Variants in CNTNAP5 observed in about 807,000 individuals in gnomAD.
The protein encoded by CNTNAP5 is contactin associated protein family member 5.
Under a neutral mutation model 150.2 loss-of-function variants are expected in CNTNAP5, and 72 were observed. The ratio of observed to expected loss-of-function variants is 0.48; its 90% CI spans 0.40 to 0.58. The LOEUF (loss-of-function observed/expected upper bound fraction) is 0.58. Among genes scored for constraint, CNTNAP5 ranks in the 20% least tolerant of loss-of-function variants. CNTNAP5 has a pLI of 0.00. For missense variants in CNTNAP5, 1,636 were observed against 1,626.2 expected, an observed-to-expected ratio of 1.01 and a Z score of -0.10; for synonymous variants, 672 against 619.8, an observed-to-expected ratio of 1.08 and a Z score of -1.25.
intron 5 of CNTNAP5, among the ~76,000 whole-genome samples, chr2:124,439,287 C>T (rs1692617070): frequency 6.6e-6 from 1 of 152,112 alleles, no homozygotes. Flanking sequence ...ATAGGTTAAA[C>T]AAGTACAGTA....
At chr2:124,874,079 G>T (rs926872088) in intron 21 of CNTNAP5, among the ~76,000 whole-genome samples, 1 of 151,906 alleles carries the variant, frequency 6.6e-6, no homozygotes, top group African/African-American at 2.4e-5. Flanking sequence ...GTAGATACTG[G>T]CCCATGAAAA....
chr2:124,745,406 T>A (rs1238305443), intron 13 of CNTNAP5, among the ~76,000 whole-genome samples: 3 of 152,070 alleles, frequency 2.0e-5, no homozygotes, highest in Non-Finnish European at 4.4e-5. Flanking sequence ...CACTGACAAA[T>A]GTATTCAAAT....
chr2:124,471,339 G>T (rs1410160556), intron 6 of CNTNAP5, among the ~76,000 whole-genome samples: 3 of 152,090 alleles, frequency 2.0e-5, no homozygotes, highest in Admixed American at 1.3e-4. Context: ...ATTGTGAAAG[G>T]TAGTTCATTA....
intron 6 of CNTNAP5, among the ~76,000 whole-genome samples, chr2:124,473,444 A>G (rs1312801478): frequency 6.6e-6 from 1 of 152,090 alleles, no homozygotes; most frequent in African/African-American, 2.4e-5. Flanking sequence ...AGTTGTAAGT[A>G]AAAGTGGGCA....
At chr2:124,468,419 G>A (rs1693431535) in intron 6 of CNTNAP5, among the ~76,000 whole-genome samples, 1 of 152,084 alleles carries the variant, frequency 6.6e-6, no homozygotes, top group Non-Finnish European at 1.5e-5. Context: ...TGATATTCAA[G>A]AGCATGAAGA....
At chr2:124,777,154 A>G (rs887027844) in intron 17 of CNTNAP5, among the ~76,000 whole-genome samples, 6 of 152,014 alleles carry the variant, frequency 3.9e-5, no homozygotes, top group Non-Finnish European at 5.9e-5. Flanking sequence ...GGGAAAAAAA[A>G]AAAAAAGATG....
chr2:124,123,415 C>T (rs541840706), intron 1 of CNTNAP5, among the ~76,000 whole-genome samples: 36 of 152,278 alleles, frequency 2.4e-4, no homozygotes, highest in Admixed American at 1.6e-3. Flanking sequence ...AAAGCTTGAA[C>T]TGGGTGGAGT....
chr2:124,599,977 A>G (rs1223841846), intron 11 of CNTNAP5, among the ~76,000 whole-genome samples: 1 of 151,834 alleles, frequency 6.6e-6, no homozygotes, highest in Non-Finnish European at 1.5e-5. Context: ...TTTGCATGTG[A>G]TTTTCTCAGA....
At chr2:124,644,733 T>G (rs1422061542) in intron 12 of CNTNAP5, among the ~76,000 whole-genome samples, 2 of 152,178 alleles carry the variant, frequency 1.3e-5, no homozygotes, top group African/African-American at 2.4e-5. Flanking sequence ...TGTTTCAGTC[T>G]TTATCCTGCT....
At chr2:124,121,477 C>A (rs925537379) in intron 1 of CNTNAP5, among the ~76,000 whole-genome samples, 3 of 152,174 alleles carry the variant, frequency 2.0e-5, no homozygotes, top group Non-Finnish European at 4.4e-5. Flanking sequence ...AAGGCAGTGG[C>A]GCTGCAGGAG....
intron 13 of CNTNAP5, among the ~76,000 whole-genome samples, chr2:124,661,762 C>A (rs1301457057): frequency 6.6e-6 from 1 of 152,128 alleles, no homozygotes; most frequent in Admixed American, 6.6e-5. Context: ...ATTAGTAATT[C>A]ATTGCACAAT....
chr2:124,234,324 A>G (rs1686694793), intron 2 of CNTNAP5, among the ~76,000 whole-genome samples: 1 of 152,206 alleles, frequency 6.6e-6, no homozygotes, highest in Non-Finnish European at 1.5e-5. Flanking sequence ...AAATTTTACA[A>G]CAGCACTGGC....
chr2:124,469,349 T>A (rs1041632940), intron 6 of CNTNAP5, among the ~76,000 whole-genome samples: 1 of 152,194 alleles, frequency 6.6e-6, no homozygotes, highest in African/African-American at 2.4e-5. Context: ...AACATTTTCC[T>A]GCAAACAATA....
intron 3 of CNTNAP5, among the ~76,000 whole-genome samples, chr2:124,249,517 A>T (rs942492688): frequency 1.4e-4 from 21 of 152,354 alleles, no homozygotes; most frequent in African/African-American, 4.8e-4. Flanking sequence ...GACTTCAGAT[A>T]AACTCAACCA....
intron 1 of CNTNAP5, among the ~76,000 whole-genome samples, chr2:124,146,734 TTTATTC>T (rs1258995413): frequency 1.3e-5 from 2 of 152,218 alleles, no homozygotes. Context: ...GTTTATTATT[TTTATTC>T]TATCTCTTTG....
rs1389301725 is a variant in CNTNAP5 at position 124,090,608 on chromosome 2, AAAT to A, written c.82+64881_82+64883del. On this transcript the variant is annotated intron_variant, in intron 1 of 23. Transcript: ENST00000682447. ...CGGTTTTCATGGAAGAAGTAATGAT[AAAT>A]AATATAAGACAATGGGATTGGAGCA... Among the ~76,000 whole-genome samples, 5 of 152,210 alleles carry A rather than the reference AAAT, an allele frequency of 3.3e-5. No individual in the cohort carries two copies. In the East Asian group the frequency reaches 9.6e-4, roughly 29 times the overall value.
intron 1 of CNTNAP5, among the ~76,000 whole-genome samples, chr2:124,167,370 G>A (rs1481197988): frequency 6.6e-6 from 1 of 151,904 alleles, no homozygotes; most frequent in Admixed American, 6.6e-5. Context: ...TACACTCCAG[G>A]GTCAGTTTTT....
chr2:124,856,804 T>C (rs1415539702), intron 19 of CNTNAP5, among the ~76,000 whole-genome samples: 2 of 152,192 alleles, frequency 1.3e-5, no homozygotes, highest in East Asian at 1.9e-4. Flanking sequence ...CATGCGAGGT[T>C]CTTTCTTGAA....
At chr2:124,669,886 T>A (rs1481489985) in intron 13 of CNTNAP5, among the ~76,000 whole-genome samples, 1 of 152,160 alleles carries the variant, frequency 6.6e-6, no homozygotes, top group Non-Finnish European at 1.5e-5. Context: ...CCAAGATGCA[T>A]CACCTGTCTT....
Sources: gnomAD v4.1 joint callset for allele counts (sites outside exome capture counted in the v4.1 genomes callset) on GRCh38, gnomAD v4.1.1 for gene constraint, MANE v1.5 for transcripts, NCBI Gene and HGNC (gene_info 2026-07-23, HGNC 2026-07-21) for gene names.